KIAA1755: variants seen among roughly 807,000 people sequenced by gnomAD.
KIAA1755 encodes the protein KIAA1755, also known as uncharacterized protein KIAA1755.
In KIAA1755, 68 loss-of-function variants were observed where a neutral mutation model predicts 91.7. The observed-to-expected ratio is 0.74, with a 90% CI of 0.61 to 0.91. The LOEUF is 0.91. Among genes scored for constraint, KIAA1755 ranks in the 40% least tolerant of loss-of-function variants. KIAA1755 has a pLI of 0.00. For missense variants in KIAA1755, 1,535 were observed against 1,494.4 expected, an observed-to-expected ratio of 1.03 and a Z score of -0.45; for synonymous variants, 610 against 604.6, an observed-to-expected ratio of 1.01 and a Z score of -0.13.
intron 2 of KIAA1755, among the ~76,000 whole-genome samples, chr20:38,243,843 T>C (rs995718369): frequency 5.9e-5 from 9 of 152,254 alleles, no homozygotes; most frequent in African/African-American, 2.2e-4. Context: ...ACTTGCTGCA[T>C]GCCAGAGTCT....
chr20:38,220,861 C>T (rs2075645758), intron 10 of KIAA1755, among the ~76,000 whole-genome samples: 1 of 152,146 alleles, frequency 6.6e-6, no homozygotes, highest in Admixed American at 6.5e-5. Context: ...TGAGTTGGAA[C>T]CCCACCCAGG....
Position 38,241,425 on chromosome 20 carries a change from C to T in KIAA1755, c.706G>A (p.Gly236Ser), listed in dbSNP as rs777949204. 2.5e-6 allele frequency: 4 copies of T among 1,614,202 alleles called. No homozygotes were observed. In the South Asian group the frequency reaches 4.4e-5, roughly 18 times the overall value. ...QVLPAQSLAK[G>S]KGRTYGSKYP... is the part of the protein sequence containing the mutation. ...TTGCTCCCATATGTCCTGCCCTTACCCTTGGCCAAACTCTGGGCAGGAAGC... is the reference window on the plus strand; with the variant it reads ...TTGCTCCCATATGTCCTGCCCTTACTCTTGGCCAAACTCTGGGCAGGAAGC... Residue 236 changes from glycine (G) to serine (S), a missense_variant, in exon 3 of 14, where the codon GGT becomes AGT. Coordinates refer to ENST00000279024, the MANE Select transcript of KIAA1755 (RefSeq NM_001029864.2).
intron 6 of KIAA1755, 147 bp downstream of exon 6, chr20:38,228,000 A>T: frequency 3.9e-6 from 2 of 517,076 alleles, no homozygotes; most frequent in South Asian, 3.6e-5. Context: ...CAAGCTTGTT[A>T]GGGCTGAGTT....
At position 38,239,729 on chromosome 20, in the gene KIAA1755, G is replaced by A. The variant is rs777781057; in HGVS notation, c.1550-4C>T. On this transcript the variant is annotated splice_polypyrimidine_tract_variant and splice_region_variant and intron_variant, in intron 3 of 13. Transcript: ENST00000279024. ...GTTTTGGTCTGAGTTGTTCCAGCTG[G>A]GAAAAAGCAACAACAAAGAAAAGGA... 1.2e-6 allele frequency: 2 copies of A among 1,610,830 alleles called. No homozygotes were observed. Among genetic ancestry groups the A allele is most frequent in the East Asian group, 4.5e-5 (2 of 44,862 alleles).
chr20:38,257,117 C>A (rs76668721), intron 1 of KIAA1755, among the ~76,000 whole-genome samples: 515 of 152,252 alleles, frequency 3.4e-3, no homozygotes, highest in Admixed American at 5.4e-3. Context: ...AAGGATGGAC[C>A]CCCACCACCC....
chr20:38,253,744 G>A (rs1002028381), intron 1 of KIAA1755, among the ~76,000 whole-genome samples: 11 of 152,142 alleles, frequency 7.2e-5, no homozygotes, highest in Non-Finnish European at 1.5e-4. Flanking sequence ...CAAACATTCC[G>A]TAACCAGCTT....
chr20:38,240,000 G>A (rs974953986), intron 3 of KIAA1755, among the ~76,000 whole-genome samples: 1 of 152,216 alleles, frequency 6.6e-6, no homozygotes. Flanking sequence ...GGGCTTGAAA[G>A]ATCCTCCCAC....
In KIAA1755 at chr20:38,240,852, G is replaced by A; in HGVS notation, c.1279C>T (p.Pro427Ser). 4 of 1,614,046 alleles carry A rather than the reference G, an allele frequency of 2.5e-6. No individual in the cohort carries two copies. The highest frequency in any genetic ancestry group is 3.4e-6 in the Non-Finnish European group (4 of 1,179,992). ...PRQASSPRLS[P>S]ASPAAAASET... ...GAGGCTGCAGCTGCAGGAGAAGCTG[G>A]GGACAGGCGGGGAGAGGAGGCTTGT... Residue 427 changes from proline to serine, a missense_variant, in exon 3 of 14, where the codon CCA becomes TCA. Coordinates refer to ENST00000279024, the MANE Select transcript of KIAA1755 (RefSeq NM_001029864.2).
chr20:38,259,453 GTA>G (rs35241009), intron 1 of KIAA1755, among the ~76,000 whole-genome samples: 15,640 of 151,464 alleles, frequency 0.1, 875 homozygotes, highest in Middle Eastern at 0.17. Context: ...GCGTGCATGT[GTA>G]TGTGTGTGTG....
chr20:38,259,444 C>A (rs546990772), intron 1 of KIAA1755, among the ~76,000 whole-genome samples: 4 of 147,936 alleles, frequency 2.7e-5, no homozygotes, highest in African/African-American at 1.0e-4. Flanking sequence ...GTGCTCTGTG[C>A]GTGCATGTGT....
Position 38,260,617 on chromosome 20 carries a change from G to C in KIAA1755, c.-117C>G. Reference sequence around the variant, plus strand: ...GTCCCGCCTAGCCCTGGAGCCAGGGGATAGGGCAGGCCCGGGGCACCGACC... The same window carrying C: ...GTCCCGCCTAGCCCTGGAGCCAGGGCATAGGGCAGGCCCGGGGCACCGACC... On this transcript the variant is annotated 5_prime_UTR_variant, in exon 1 of 14. It adds an upstream start codon to the 5' untranslated region. Coordinates refer to ENST00000279024, the MANE Select transcript of KIAA1755 (RefSeq NM_001029864.2). 1 of 1,335,892 alleles carries C rather than the reference G, an allele frequency of 7.5e-7. No homozygotes were observed. The highest frequency in any genetic ancestry group is 9.8e-7 in the Non-Finnish European group (1 of 1,019,210). The allele number at this position is 1,335,892 out of a possible 1,614,324, so 82.8% of individuals were successfully genotyped here.
chr20:38,218,614 A>C (rs1360809007), intron 11 of KIAA1755, among the ~76,000 whole-genome samples: 2 of 152,256 alleles, frequency 1.3e-5, no homozygotes, highest in Non-Finnish European at 2.9e-5. Flanking sequence ...CAACGCCCTC[A>C]GTGCACAGTT....
chr20:38,222,748 C>T (rs868825794), intron 9 of KIAA1755, 151 bp from the exon 10 acceptor site: 5 of 802,790 alleles, frequency 6.2e-6, no homozygotes, highest in Non-Finnish European at 1.0e-5. Context: ...AACATCCCCT[C>T]TAGCCATGTC....
In KIAA1755 at chr20:38,213,621, C is replaced by G. The variant is rs189054481; in HGVS notation, c.3024G>C (p.Glu1008Asp). 6.2e-7 allele frequency: 1 copy of G among 1,611,454 alleles called. No individual in the cohort carries two copies. Among genetic ancestry groups the G allele is most frequent in the African/African-American group, 1.3e-5 (1 of 75,048 alleles). ...LHRYLQRLAS[E>D]FPAEKLAAVG... Reference sequence around the variant, plus strand: ...CGGCTGCGAGCTTCTCAGCAGGGAACTCAGATGCCAGTCGCTGCAGGTAGC... The same window carrying G: ...CGGCTGCGAGCTTCTCAGCAGGGAAGTCAGATGCCAGTCGCTGCAGGTAGC... Residue 1008 changes from glutamate to aspartate, a missense_variant, in exon 14 of 14, where the codon GAG becomes GAC. Coordinates refer to ENST00000279024, the MANE Select transcript of KIAA1755 (RefSeq NM_001029864.2).
chr20:38,228,965 T>G (rs1423235296), intron 5 of KIAA1755, among the ~76,000 whole-genome samples: 1 of 152,180 alleles, frequency 6.6e-6, no homozygotes, highest in African/African-American at 2.4e-5. Context: ...GGCACAATTT[T>G]CAAGACTTGT....
intron 4 of KIAA1755, chr20:38,233,532 G>A: frequency 6.6e-6 from 1 of 152,090 alleles, no homozygotes; most frequent in East Asian, 1.9e-4. Context: ...AGGAAACTGG[G>A]GTGGGGAAGC....
rs1380342659 is a variant in KIAA1755, at chr20:38,260,484, C to T, written c.3+14G>A. On this transcript the variant is annotated intron_variant, in intron 1 of 13. Coordinates refer to ENST00000279024, the MANE Select transcript of KIAA1755 (RefSeq NM_001029864.2). The stretch of plus-strand genomic sequence containing the variant: ...AGGGGGCAGAGCGAGGTGGTCCAGG[C>T]CTTGGCGCGTTACCATGGTGACGGG... The T allele has an allele frequency of 1.3e-6, 2 of 1,493,598 alleles. No individual in the cohort carries two copies. 92.5% of individuals were successfully genotyped at this position (1,493,598 alleles called of 1,614,324 possible).
chr20:38,215,783 A>G (rs866880955), intron 13 of KIAA1755, among the ~76,000 whole-genome samples: 6 of 152,228 alleles, frequency 3.9e-5, no homozygotes, highest in South Asian at 2.1e-4. Context: ...AGATGTCTTT[A>G]ACCCTGGAGG....
At chr20:38,217,792 G>A in intron 12 of KIAA1755, 1 of 500,474 alleles carries the variant, frequency 2.0e-6, no homozygotes, top group Non-Finnish European at 3.6e-6. Flanking sequence ...CCTGCTCTGA[G>A]TCCCCACATT....
Sources: allele counts gnomAD v4.1 joint callset (sites outside exome capture counted in the v4.1 genomes callset), GRCh38; gene constraint gnomAD v4.1.1; transcripts MANE v1.5; gene names NCBI Gene and HGNC (gene_info 2026-07-23, HGNC 2026-07-21).